Variants in CHD8 observed in about 807,000 individuals in gnomAD.
CHD8 encodes ATP-dependent chromatin remodeler CHD8.
A neutral mutation model predicts 279.2 loss-of-function variants in CHD8; 31 were observed. That is an observed-to-expected ratio of 0.11 (90% CI 0.08 to 0.15). The LOEUF (loss-of-function observed/expected upper bound fraction) is 0.15, where lower values mean the gene tolerates loss of function less well. Ranked by LOEUF, CHD8 falls within the 10% of genes least tolerant of loss-of-function variation. The pLI is 1.00. For synonymous variants in CHD8, 1,081 were observed against 1,139.6 expected, an observed-to-expected ratio of 0.95 and a Z score of 1.04; for missense variants, 2,146 against 3,230.5, an observed-to-expected ratio of 0.66 and a Z score of 8.14.
At chr14:21,424,466 C>G (rs1054739543) in intron 5 of CHD8, among the ~76,000 whole-genome samples, 1 of 151,338 alleles carries the variant, frequency 6.6e-6, no homozygotes. Context: ...CTCGACTATT[C>G]TTTTGTTTTG....
In CHD8 at chr14:21,399,638, C is replaced by A; in HGVS notation, c.4885G>T (p.Ala1629Ser). 1 of 1,613,718 alleles carries A rather than the reference C, an allele frequency of 6.2e-7. No homozygotes were observed. Among genetic ancestry groups the A allele is most frequent in the South Asian group, 1.1e-5 (1 of 91,082 alleles). ...ACTCCAATGAGCAGCGACTTGTCAG[C>A]CTCACTGTCCCACCAAGTTGTTGGA... ...EVPTTWWDSE[A>S]DKSLLIGVFK... The change falls in exon 26 of 38, where the codon GCT becomes TCT. Residue 1629 changes from alanine (A) to serine (S), a missense_variant. Transcript: ENST00000646647.
At chr14:21,424,781 T>TAG (rs1397623585) in intron 5 of CHD8, among the ~76,000 whole-genome samples, 2 of 152,130 alleles carry the variant, frequency 1.3e-5, no homozygotes, top group African/African-American at 4.8e-5. Context: ...CAGCTATTCT[T>TAG]ACACAGTAAT....
rs768658564 is a variant in CHD8 at position 21,393,796 on chromosome 14, C to T, written c.5999G>A (p.Arg2000His). ...TSRTASPLPLRPDAPVEKSPE... is the reference protein window; with the variant it reads ...TSRTASPLPLHPDAPVEKSPE... ...TGACTTTTCAACAGGAGCATCTGGG[C>T]GCAGGGGCAGTGGTGAGGCAGTGCG... The change falls in exon 32 of 38, where the codon CGC becomes CAC. Residue 2000 changes from arginine to histidine, a missense_variant. Arg to His is a conservative substitution (Grantham distance 29). Transcript: ENST00000646647. 15 of 1,613,698 alleles carry T rather than the reference C, an allele frequency of 9.3e-6. No homozygotes were observed. The highest frequency in any genetic ancestry group is 4.4e-5 in the South Asian group (4 of 91,076).
chr14:21,410,564 A>G (rs1001977405), intron 10 of CHD8, among the ~76,000 whole-genome samples: 6 of 152,214 alleles, frequency 3.9e-5, no homozygotes, highest in African/African-American at 1.4e-4. Context: ...AAAATGCTAA[A>G]AAGTTCAACT....
chr14:21,429,567 C>T (rs963903451), intron 2 of CHD8: 1 of 646,528 alleles, frequency 1.5e-6, no homozygotes, highest in Admixed American at 2.1e-5. Flanking sequence ...ACAGGCACAA[C>T]ACTACTGCTG....
intron 30 of CHD8, 106 bp from the exon 31 acceptor site, chr14:21,394,591 ATTG>A: frequency 4.9e-6 from 1 of 203,102 alleles, no homozygotes. Flanking sequence ...AAACACAAAA[ATTG>A]AAAGTAGACG....
intron 14 of CHD8, among the ~76,000 whole-genome samples, chr14:21,406,214 T>C (rs1470700899): frequency 6.6e-6 from 1 of 152,242 alleles, no homozygotes; most frequent in African/African-American, 2.4e-5. Flanking sequence ...GGAATGTAAC[T>C]GAGCTGGATT....
chr14:21,400,004 C>G lies in CHD8; in HGVS notation c.4794G>C (p.Lys1598Asn), dbSNP rs1887960444. The G allele has an allele frequency of 6.2e-7, 1 of 1,613,290 alleles. No individual in the cohort carries two copies. Among genetic ancestry groups the G allele is most frequent in the Non-Finnish European group, 8.5e-7 (1 of 1,179,868 alleles). The change falls in exon 25 of 38, where the codon AAG (lysine) becomes AAC (asparagine). Residue 1598 changes from lysine to asparagine, a missense_variant. Coordinates refer to ENST00000646647, the MANE Select transcript of CHD8 (RefSeq NM_001170629.2). The surrounding 1 kb of genome is among the most constrained non-coding windows in gnomAD (Gnocchi z 4.2). ...RQEVIGDQAE[K>N]VLGGAIASEI... ...ACCTGGCAATCGCACCCCCTAACAC[C>G]TTTTCTGCTTGGTCTCCAATAACCT...
rs745410600 is a variant in CHD8, at chr14:21,400,099, A to T, written c.4728-29T>A. 3 of 1,613,146 alleles carry T rather than the reference A, an allele frequency of 1.9e-6. No homozygotes were observed. The highest frequency in any genetic ancestry group is 2.5e-6 in the Non-Finnish European group (3 of 1,179,178). On this transcript the variant is annotated intron_variant, in intron 24 of 37. Transcript: ENST00000646647. This position sits in a 1 kb window ranked among gnomAD's most constrained non-coding sequence, Gnocchi z 4.2. ...GAAAGGACAGAGGAAGAGCTGGCTC[A>T]GTAACACTGTAGAAGTTTGAGGTGG...
chr14:21,452,347 A>C (rs1443401611), intron 1 of CHD8, among the ~76,000 whole-genome samples: 2 of 151,566 alleles, frequency 1.3e-5, no homozygotes, highest in Non-Finnish European at 2.9e-5. Flanking sequence ...AACTTTAGGT[A>C]AAAGAAAACT....
rs537968139 is a variant in CHD8, at chr14:21,430,529, C to T, written c.843+272G>A. 3.5e-5 allele frequency: 12 copies of T among 345,068 alleles called. 1 individual carries two copies. The highest frequency in any genetic ancestry group is 8.1e-5 in the African/African-American group (4 of 49,424). 21.4% of individuals were successfully genotyped at this position (345,068 alleles called of 1,614,324 possible). A position where few individuals can be genotyped will look rare whatever the true frequency, so the allele number is the denominator to read the frequency against. Reference sequence around the variant, plus strand: ...CTTAATATCTGTCTTTCCTGGCAGACGGTGAGCTCTGTAAGGACAGGGACT... The same window carrying T: ...CTTAATATCTGTCTTTCCTGGCAGATGGTGAGCTCTGTAAGGACAGGGACT... On this transcript the variant is annotated intron_variant, in intron 2 of 37. Transcript: ENST00000646647.
rs1349051034 is a variant in CHD8 at position 21,402,584 on chromosome 14, G to C, written c.3715-81C>G. ...GAAAGGATACAAAATACCAATTTATGATTCTTTCACCTCTATAGAGCAGCC... is the reference window on the plus strand; with the variant it reads ...GAAAGGATACAAAATACCAATTTATCATTCTTTCACCTCTATAGAGCAGCC... On this transcript the variant is annotated intron_variant, in intron 18 of 37. Coordinates refer to ENST00000646647, the MANE Select transcript of CHD8 (RefSeq NM_001170629.2). The surrounding 1 kb of genome is among the most constrained non-coding windows in gnomAD (Gnocchi z 4.5). The C allele has an allele frequency of 2.2e-6, 3 of 1,334,060 alleles. No homozygotes were observed. Among genetic ancestry groups the C allele is most frequent in the African/African-American group, 1.5e-5 (1 of 67,360 alleles). 82.6% of individuals were successfully genotyped at this position (1,334,060 alleles called of 1,614,324 possible).
chr14:21,431,261 A>T lies in CHD8; in HGVS notation c.383T>A (p.Ile128Asn). 2 of 1,594,242 alleles carry T rather than the reference A, an allele frequency of 1.3e-6. No homozygotes were observed. The highest frequency in any genetic ancestry group is 2.7e-5 in the African/African-American group (2 of 74,928). Residue 128 changes from isoleucine (I) to asparagine (N), a missense_variant, in exon 2 of 38, where the codon ATC becomes AAC. Physicochemically the swap from Ile to Asn is moderately radical, Grantham distance 149 (BLOSUM62 -3). Coordinates refer to ENST00000646647, the MANE Select transcript of CHD8 (RefSeq NM_001170629.2). ...CATGAAAGGATTCCCTTGGCTCAGG[A>T]TCTCCTGGCTCTTGGAGACTTGCAA... ...GLLQVSKSQE[I>N]LSQGNPFMGV...
chr14:21,400,941 T>A lies in CHD8; in HGVS notation c.4304A>T (p.His1435Leu), dbSNP rs199879706. Residue 1435 changes from histidine to leucine, a missense_variant, in exon 22 of 38, where the codon CAT becomes CTT. Physicochemically the swap from His to Leu is moderately conservative, Grantham distance 99. This residue lies in a region of CHD8 where 74 missense variants were observed against 91.5 expected (regional missense o/e 0.81). Coordinates refer to ENST00000646647, the MANE Select transcript of CHD8 (RefSeq NM_001170629.2). This position sits in a 1 kb window ranked among gnomAD's most constrained non-coding sequence, Gnocchi z 4.2. ...GCGCCCATAGGCATGATGACGGTCA[T>A]GTCTGCGGGAGCGTGGCCGCTCATC... ...EDDERPRSRR[H>L]DRHHAYGRTD... 762 of 1,613,848 alleles carry A rather than the reference T, an allele frequency of 4.7e-4. No individual in the cohort carries two copies. The highest frequency in any genetic ancestry group is 6.1e-4 in the Non-Finnish European group (725 of 1,179,838).
intron 33 of CHD8, 70 bp downstream of exon 33, chr14:21,393,035 CT>C: frequency 4.0e-6 from 6 of 1,500,194 alleles, no homozygotes; most frequent in South Asian, 1.3e-5. Flanking sequence ...CCATATGTTC[CT>C]TTTTCCCCGG....
Position 21,401,440 on chromosome 14 carries a change from T to C in CHD8, c.4136A>G (p.Lys1379Arg). ...DDPNFWQKWAKKADLDMDLLN... is the reference protein window; with the variant it reads ...DDPNFWQKWARKADLDMDLLN... Reference sequence around the variant, plus strand: ...CAGATCCATGTCTAGGTCAGCCTTTTTGGCCCACTTTTGCCAAAAGTTGGG... The same window carrying C: ...CAGATCCATGTCTAGGTCAGCCTTTCTGGCCCACTTTTGCCAAAAGTTGGG... Residue 1379 changes from lysine to arginine, a missense_variant, in exon 21 of 38, where the codon AAA becomes AGA. This residue lies in a region of CHD8 where 14 missense variants were observed against 40.7 expected (regional missense o/e 0.34). Transcript: ENST00000646647. 1 of 1,601,968 alleles carries C rather than the reference T, an allele frequency of 6.2e-7. No homozygotes were observed. Among genetic ancestry groups the C allele is most frequent in the East Asian group, 2.2e-5 (1 of 44,612 alleles).
At chr14:21,426,004 C>T in intron 5 of CHD8, 124 bp downstream of exon 5, 1 of 634,424 alleles carries the variant, frequency 1.6e-6, no homozygotes, top group Non-Finnish European at 2.8e-6. Context: ...TTATTTAGGC[C>T]TACGCCCAGT....
rs772226350 is a variant in CHD8, at chr14:21,414,295, A to T, written c.2142+6T>A. The T allele has an allele frequency of 7.3e-7, 1 of 1,367,368 alleles. No individual in the cohort carries two copies. Among genetic ancestry groups the T allele is most frequent in the Non-Finnish European group, 1.0e-6 (1 of 974,294 alleles). The allele number at this position is 1,367,368 out of a possible 1,614,324, so 84.7% of individuals were successfully genotyped here. ...GAAATGACAGGCAATACCTATTCCT[A>T]ATTACCTCATGGAAGAAGTGTCTCA... On this transcript the variant is annotated splice_donor_region_variant and intron_variant, in intron 9 of 37. Transcript: ENST00000646647.
chr14:21,407,115 G>A (rs2139478943), intron 13 of CHD8, 83 bp from the exon 14 acceptor site: 1 of 1,181,492 alleles, frequency 8.5e-7, no homozygotes. Context: ...CCTATATTAA[G>A]GCATGTTTAA....
Sources: allele counts gnomAD v4.1 joint callset (sites outside exome capture counted in the v4.1 genomes callset), GRCh38; gene constraint gnomAD v4.1.1; regional missense constraint gnomAD v4.1.1; non-coding constraint Gnocchi (gnomAD v3.1); transcripts MANE v1.5; gene names NCBI Gene and HGNC (gene_info 2026-07-23, HGNC 2026-07-21).